The following MED16 variants were observed in gnomAD, a reference collection of about 807,000 sequenced individuals.
The protein encoded by MED16 is mediator of RNA polymerase II transcription subunit 16.
In MED16, 81 loss-of-function variants were observed where a neutral mutation model predicts 84.4. The observed-to-expected ratio is 0.96, with a 90% CI of 0.80 to 1.15. MED16 has a LOEUF of 1.15. Ranked by LOEUF, MED16 falls within the 50% of genes most tolerant of loss-of-function variation. The pLI is 0.00. For synonymous variants in MED16, 897 were observed against 552.2 expected (o/e 1.62, Z -8.76); for missense variants, 1,585 against 1,245.9 (o/e 1.27, Z -4.10).
At chr19:869,728 GTTCAC>G (rs1415695821) in intron 13 of MED16, among the ~76,000 whole-genome samples, 1 of 152,206 alleles carries the variant, frequency 6.6e-6, no homozygotes, top group Non-Finnish European at 1.5e-5. Context: ...GCTGCTGGAG[GTTCAC>G]TTCATTTTCT....
At chr19:873,677 C>A in intron 10 of MED16, 95 bp from the exon 11 acceptor site, 1 of 1,417,822 alleles carries the variant, frequency 7.1e-7, no homozygotes. Flanking sequence ...ACTGAGTGCC[C>A]ACCCAGTACC....
intron 7 of MED16, 110 bp downstream of exon 7, chr19:881,449 G>C: frequency 7.6e-7 from 1 of 1,324,182 alleles, no homozygotes; most frequent in Non-Finnish European, 1.0e-6. Flanking sequence ...CCTGTGCTCA[G>C]AGCCCACGTC....
At chr19:883,743 T>C (rs2145237793) in intron 6 of MED16, among the ~76,000 whole-genome samples, 1 of 151,958 alleles carries the variant, frequency 6.6e-6, no homozygotes, top group African/African-American at 2.4e-5. Context: ...CACCGGGCAG[T>C]GAAGGTGCAG....
chr19:876,118 G>T (rs1189724525), intron 9 of MED16, among the ~76,000 whole-genome samples: 1 of 152,188 alleles, frequency 6.6e-6, no homozygotes, highest in East Asian at 1.9e-4. Flanking sequence ...TTTCTCGGCA[G>T]GCTGTGCCGT....
intron 4 of MED16, among the ~76,000 whole-genome samples, chr19:887,315 G>A (rs1279217219): frequency 3.3e-5 from 5 of 152,128 alleles, no homozygotes; most frequent in Admixed American, 6.5e-5. Context: ...TGGGTCGCAG[G>A]CTGGCATGTC....
chr19:888,253 G>A (rs997022453), intron 4 of MED16, among the ~76,000 whole-genome samples: 8 of 151,642 alleles, frequency 5.3e-5, no homozygotes, highest in African/African-American at 1.9e-4. Context: ...CGGGCTCGTT[G>A]GCTCACACCT....
Position 875,431 on chromosome 19 carries a change from G to A in MED16, c.1584C>T (p.Ala528=). 6.2e-7 allele frequency: 1 copy of A among 1,604,200 alleles called. No homozygotes were observed. The highest frequency in any genetic ancestry group is 8.5e-7 in the Non-Finnish European group (1 of 1,179,646). The part of the protein sequence containing the change: ...LQQVLSTRIL[A]MKASLCKLSP... ...ACAGCTTGCAGAGCGAGGCCTTCATGGCCAGGATCCGGGTGGAGAGGACCT... is the reference window on the plus strand; with the variant it reads ...ACAGCTTGCAGAGCGAGGCCTTCATAGCCAGGATCCGGGTGGAGAGGACCT... Residue 528 remains alanine (A), a synonymous_variant, in exon 10 of 16, where the codon GCC becomes GCT. Transcript: ENST00000325464.
Position 876,999 on chromosome 19 carries a change from G to A in MED16, c.1535C>T (p.Thr512Met), listed in dbSNP as rs780109775. Reference protein sequence around the residue: ...SLVEKLHEEYTRQTAALQQVL... With the variant: ...SLVEKLHEEYMRQTAALQQVL... ...CTGCTGCAGGGCAGCGGTCTGGCGC[G>A]TGTACTCCTCGTGCAGCTTCTCCAC... Residue 512 changes from threonine (T) to methionine (M), a missense_variant, in exon 9 of 16, where the codon ACG becomes ATG. Transcript: ENST00000325464. The A allele has an allele frequency of 1.3e-5, 21 of 1,612,020 alleles. No individual in the cohort carries two copies. Among genetic ancestry groups the A allele is most frequent in the African/African-American group, 6.7e-5 (5 of 74,738 alleles).
In MED16 at chr19:877,180, G is replaced by C. The variant is rs1172329603; in HGVS notation, c.1354C>G (p.Leu452Val). Residue 452 changes from leucine (L) to valine (V), a missense_variant and splice_region_variant, in exon 9 of 16, where the codon CTG (leucine) becomes GTG (valine). By Grantham distance (32) the Leu-to-Val change is conservative. Coordinates refer to ENST00000325464, the MANE Select transcript of MED16 (RefSeq NM_005481.3). ...ALVGIDSHGKLSVLRLSPSMG... is the reference protein window; with the variant it reads ...ALVGIDSHGKVSVLRLSPSMG... ...GAAGGTGAGAGGCGGAGCACGCTCAGCTGCCAGAGACAGAGCCCAAGGAGA... is the reference window on the plus strand; with the variant it reads ...GAAGGTGAGAGGCGGAGCACGCTCACCTGCCAGAGACAGAGCCCAAGGAGA... 2 of 1,606,614 alleles carry C rather than the reference G, an allele frequency of 1.2e-6. No individual in the cohort carries two copies. Among genetic ancestry groups the C allele is most frequent in the Non-Finnish European group, 1.7e-6 (2 of 1,178,000 alleles).
At chr19:887,487 G>A (rs189398061) in intron 4 of MED16, among the ~76,000 whole-genome samples, 3 of 152,028 alleles carry the variant, frequency 2.0e-5, no homozygotes, top group African/African-American at 7.2e-5. Flanking sequence ...CCAAGATAGT[G>A]AAACCCCGTC....
chr19:876,929 A>G lies in MED16; in HGVS notation c.1560+45T>C, dbSNP rs538012436. 3.5e-3 allele frequency: 4,309 copies of G among 1,226,028 alleles called. 59 individuals carry two copies. In the East Asian group the frequency reaches 0.042, roughly 12 times the overall value. 75.9% of individuals were successfully genotyped at this position (1,226,028 alleles called of 1,614,324 possible). ...CTGCCACGGGGCCCCCACCTGCCACAGGGCCCCCACCTGCCACGGGGCCCC... is the reference window on the plus strand; with the variant it reads ...CTGCCACGGGGCCCCCACCTGCCACGGGGCCCCCACCTGCCACGGGGCCCC... On this transcript the variant is annotated intron_variant, in intron 9 of 15. Transcript: ENST00000325464.
chr19:870,749 TG>T (rs2036028837), intron 13 of MED16, among the ~76,000 whole-genome samples: 1 of 68,124 alleles, frequency 1.5e-5, no homozygotes, highest in Non-Finnish European at 2.9e-5. Context: ...GGGGGGGTCC[TG>T]GGGCAGGACA....
At chr19:871,751 G>GGTAGGGAGAGGGGA in intron 12 of MED16, 175 bp downstream of exon 12, 1 of 663,020 alleles carries the variant, frequency 1.5e-6, no homozygotes, top group South Asian at 1.5e-5. Context: ...CTTGTGTTTT[G>GGTAGGGAGAGGGGA]GTAGGGAGAG....
At position 877,017 on chromosome 19, in the gene MED16, T is replaced by C. The variant is rs551492284; in HGVS notation, c.1517A>G (p.Lys506Arg). 7 of 1,612,266 alleles carry C rather than the reference T, an allele frequency of 4.3e-6. No individual in the cohort carries two copies. In the African/African-American group the frequency reaches 6.7e-5, roughly 15 times the overall value. ...CTGGCGCGTGTACTCCTCGTGCAGC[T>C]TCTCCACCAGGCTCTGTACCATACT... ...QPSMVQSLVE[K>R]LHEEYTRQTA... is the part of the protein sequence containing the mutation. The change falls in exon 9 of 16, where the codon AAG becomes AGG. Residue 506 changes from lysine to arginine, a missense_variant. Coordinates refer to ENST00000325464, the MANE Select transcript of MED16 (RefSeq NM_005481.3).
At chr19:870,201 G>A (rs563172680) in intron 13 of MED16, among the ~76,000 whole-genome samples, 54 of 152,286 alleles carry the variant, frequency 3.5e-4, no homozygotes, top group South Asian at 6.2e-4. Flanking sequence ...ATCCAGGGGG[G>A]CCAGAGACTA....
At chr19:878,551 C>G in intron 8 of MED16, among the ~76,000 whole-genome samples, 1 of 135,238 alleles carries the variant, frequency 7.4e-6, no homozygotes. Flanking sequence ...TTGTCAATGC[C>G]CACCAGCCCC....
chr19:885,336 A>T (rs935797948), intron 5 of MED16, among the ~76,000 whole-genome samples: 3 of 152,098 alleles, frequency 2.0e-5, no homozygotes, highest in African/African-American at 7.2e-5. Context: ...GGTCGGCTCA[A>T]CAGTGGCCCC....
rs757630295 is a variant in MED16, at chr19:873,436, G to A, written c.1905+13C>T. 24 of 1,604,850 alleles carry A rather than the reference G, an allele frequency of 1.5e-5. No individual in the cohort carries two copies. The highest frequency in any genetic ancestry group is 5.0e-5 in the Admixed American group (3 of 59,944). ...AGGTGGGGGGCGGGGCCTTAGGGGA[G>A]AGCATGGCGCACCTGGTTGGGTAGG... is the stretch of plus-strand genomic sequence containing the variant. On this transcript the variant is annotated intron_variant, in intron 11 of 15. Transcript: ENST00000325464.
At chr19:891,930 A>T (rs1242722465) in intron 1 of MED16, among the ~76,000 whole-genome samples, 6 of 129,304 alleles carry the variant, frequency 4.6e-5, no homozygotes, top group Non-Finnish European at 9.7e-5. Flanking sequence ...GCTGAGTGTG[A>T]TGGGGAACAC....
Sources: allele counts gnomAD v4.1 joint callset (sites outside exome capture counted in the v4.1 genomes callset), GRCh38; gene constraint gnomAD v4.1.1; transcripts MANE v1.5; gene names NCBI Gene and HGNC (gene_info 2026-07-23, HGNC 2026-07-21).